The following NBEA variants were observed in gnomAD, a reference collection of about 807,000 sequenced individuals.
NBEA encodes the protein neurobeachin.
In NBEA, 44 loss-of-function variants were observed where a neutral mutation model predicts 343.4. That is an observed-to-expected ratio of 0.13 (90% CI 0.10 to 0.16). NBEA has a LOEUF of 0.16. Ranked by LOEUF, NBEA falls within the 10% of genes least tolerant of loss-of-function variation. The pLI is 1.00. For missense variants in NBEA, 2,555 were observed against 3,631.3 expected (o/e 0.70, Z 7.62); for synonymous variants, 1,175 against 1,238.7 (o/e 0.95, Z 1.08).
chr13:35,484,905 A>T (rs2076257460), intron 41 of NBEA, among the ~76,000 whole-genome samples: 1 of 152,100 alleles, frequency 6.6e-6, no homozygotes, highest in Non-Finnish European at 1.5e-5. Context: ...AAATTTTCAA[A>T]AGTCTGATCA....
chr13:35,552,769 T>C (rs1266518691), intron 43 of NBEA, among the ~76,000 whole-genome samples: 1 of 152,256 alleles, frequency 6.6e-6, no homozygotes, highest in African/African-American at 2.4e-5. Flanking sequence ...CAGTATTCTT[T>C]GACTTGTCTG....
At chr13:35,300,394 C>A (rs1384746297) in intron 35 of NBEA, among the ~76,000 whole-genome samples, 1 of 152,106 alleles carries the variant, frequency 6.6e-6, no homozygotes, top group African/African-American at 2.4e-5. Context: ...AGAATATAAT[C>A]ATTGCCTACC....
At chr13:35,655,823 A>G in intron 55 of NBEA, 74 bp downstream of exon 55, 4 of 1,400,548 alleles carry the variant, frequency 2.9e-6, no homozygotes, top group Non-Finnish European at 3.9e-6. Flanking sequence ...TGATTTTCCT[A>G]ATAGTTTTTT....
intron 34 of NBEA, among the ~76,000 whole-genome samples, chr13:35,289,773 T>G (rs2035682509): frequency 6.6e-6 from 1 of 151,892 alleles, no homozygotes; most frequent in Non-Finnish European, 1.5e-5. Context: ...TACATAGACA[T>G]TATTGCAATC....
rs371295767 is a variant in NBEA, at chr13:35,110,899, A to G, written c.1923A>G (p.Leu641=). The change falls in exon 13 of 59, where the codon TTA becomes TTG. Residue 641 remains leucine (L), a synonymous_variant. Transcript: ENST00000379939. The part of the protein sequence containing the change: ...YTTIRRVGTV[L]QLMHTLKYYY... ...CCATACGCAGAGTAGGAACAGTATTACAGCTAATGCACACCTTAAAATATT... is the reference window on the plus strand; with the variant it reads ...CCATACGCAGAGTAGGAACAGTATTGCAGCTAATGCACACCTTAAAATATT... 8 of 1,612,188 alleles carry G rather than the reference A, an allele frequency of 5.0e-6. No homozygotes were observed. Among genetic ancestry groups the G allele is most frequent in the Non-Finnish European group, 5.9e-6 (7 of 1,178,578 alleles).
chr13:35,046,658 A>T (rs1179491696), intron 4 of NBEA, among the ~76,000 whole-genome samples: 1 of 152,184 alleles, frequency 6.6e-6, no homozygotes, highest in African/African-American at 2.4e-5. Context: ...CAATAATAAA[A>T]TATAACAATT....
intron 34 of NBEA, among the ~76,000 whole-genome samples, chr13:35,257,450 A>T (rs2032741383): frequency 6.6e-6 from 1 of 152,216 alleles, no homozygotes; most frequent in Non-Finnish European, 1.5e-5. Context: ...AAAATTTATT[A>T]AAATTTGCAT....
intron 44 of NBEA, among the ~76,000 whole-genome samples, chr13:35,556,706 C>G (rs367569112): frequency 1.3e-5 from 2 of 152,006 alleles, no homozygotes; most frequent in East Asian, 3.9e-4. Context: ...TAAATCATAC[C>G]TAAGACAAAA....
intron 40 of NBEA, among the ~76,000 whole-genome samples, chr13:35,458,262 C>T (rs2046694370): frequency 1.3e-5 from 2 of 152,314 alleles, no homozygotes; most frequent in African/African-American, 2.4e-5. Flanking sequence ...CGCCCCACCA[C>T]ATTTTGATTG....
intron 1 of NBEA, among the ~76,000 whole-genome samples, chr13:34,993,530 C>A (rs1271158945): frequency 6.6e-6 from 1 of 152,206 alleles, no homozygotes. Context: ...AGCTAATTTT[C>A]AGTAAGGAAT....
intron 35 of NBEA, among the ~76,000 whole-genome samples, chr13:35,307,712 A>G (rs2036991162): frequency 6.6e-6 from 1 of 152,072 alleles, no homozygotes. Flanking sequence ...CTTCGTATGT[A>G]AAAATCAATT....
intron 10 of NBEA, among the ~76,000 whole-genome samples, chr13:35,096,852 A>C (rs745644951): frequency 1.3e-5 from 2 of 151,928 alleles, no homozygotes; most frequent in Non-Finnish European, 2.9e-5. Context: ...TCTTTACAGA[A>C]ACATTTTTTT....
At chr13:35,252,804 G>GC (rs2032132892) in intron 34 of NBEA, among the ~76,000 whole-genome samples, 1 of 152,144 alleles carries the variant, frequency 6.6e-6, no homozygotes, top group Admixed American at 6.5e-5. Flanking sequence ...TGTAAAGTGG[G>GC]CATGGACTGA....
intron 16 of NBEA, among the ~76,000 whole-genome samples, chr13:35,122,444 ATCATTC>A (rs1166223918): frequency 3.3e-5 from 5 of 152,064 alleles, no homozygotes; most frequent in Admixed American, 6.6e-5. Flanking sequence ...GCTGGAAACC[ATCATTC>A]TCAGCAAACT....
intron 41 of NBEA, among the ~76,000 whole-genome samples, chr13:35,541,921 A>G (rs1013198387): frequency 6.6e-6 from 1 of 152,104 alleles, no homozygotes; most frequent in Admixed American, 6.6e-5. Context: ...CCATGAAGTT[A>G]GGTACCATTA....
intron 1 of NBEA, among the ~76,000 whole-genome samples, chr13:35,010,528 C>T (rs2061446593): frequency 6.8e-6 from 1 of 147,498 alleles, no homozygotes; most frequent in African/African-American, 2.5e-5. Flanking sequence ...CTGCAGTGAG[C>T]CGAGATTGTG....
Position 35,435,467 on chromosome 13 carries a change from G to C in NBEA, c.6304+3074G>C, listed in dbSNP as rs375271599. ...TTGTTTTGAGAAATACAACGGAGTA[G>C]TTAGGGGTAATAGGGTGCCATACCT... On this transcript the variant is annotated intron_variant, in intron 39 of 58. Coordinates refer to ENST00000379939, the MANE Select transcript of NBEA (RefSeq NM_001385012.1). 2.3e-4 allele frequency among the ~76,000 whole-genome samples: 35 copies of C among 152,106 alleles called. No homozygotes were observed. In the South Asian group the frequency reaches 5.8e-3, roughly 25 times the overall value.
chr13:35,135,677 T>C (rs74048912), intron 17 of NBEA, among the ~76,000 whole-genome samples: 4,312 of 152,104 alleles, frequency 0.028, 94 homozygotes, highest in South Asian at 0.074. Context: ...TGAGTATTTA[T>C]TGTAATAAGT....
At chr13:35,269,871 G>T (rs534869648) in intron 34 of NBEA, among the ~76,000 whole-genome samples, 7 of 152,062 alleles carry the variant, frequency 4.6e-5, no homozygotes, top group Non-Finnish European at 7.4e-5. Flanking sequence ...AAATAGAGAA[G>T]TTTGCTCTGG....
Sources: gnomAD v4.1 joint callset for allele counts (sites outside exome capture counted in the v4.1 genomes callset) on GRCh38, gnomAD v4.1.1 for gene constraint, MANE v1.5 for transcripts, NCBI Gene and HGNC (gene_info 2026-07-23, HGNC 2026-07-21) for gene names.